The following KCNA4 variants were observed in gnomAD, a reference collection of about 807,000 sequenced individuals.
KCNA4 encodes the protein cardiac potassium channel.
A neutral mutation model predicts 37.2 loss-of-function variants in KCNA4; 5 were observed. The observed-to-expected ratio is 0.13, with a 90% CI of 0.07 to 0.28. KCNA4 has a LOEUF of 0.28. Ranked by LOEUF, KCNA4 falls within the 10% of genes least tolerant of loss-of-function variation. The pLI, the probability that KCNA4 is intolerant of heterozygous loss-of-function variation, is 1.00. For missense variants in KCNA4, 634 were observed against 817.4 expected, an observed-to-expected ratio of 0.78 and a Z score of 2.74; for synonymous variants, 350 against 311.8, an observed-to-expected ratio of 1.12 and a Z score of -1.29.
rs551419639 is a variant in KCNA4 at position 30,013,442 on chromosome 11, T to C, written c.-764A>G. The C allele has an allele frequency of 1.2e-5, 2 of 166,688 alleles. No individual in the cohort carries two copies. The highest frequency in any genetic ancestry group is 2.4e-5 in the African/African-American group (1 of 41,566). 10.3% of individuals were successfully genotyped at this position (166,688 alleles called of 1,614,324 possible). The stretch of plus-strand genomic sequence containing the variant: ...GCAGAGCATTCTTCAGCCAAAATCA[T>C]GCAGAAGAAGCACTTCACCTGAAAA... On this transcript the variant is annotated 5_prime_UTR_variant, in exon 2 of 2. It removes an upstream start codon present in the reference 5' UTR. Transcript: ENST00000328224.
At chr11:30,015,276 C>A (rs1399591783) in intron 1 of KCNA4, among the ~76,000 whole-genome samples, 2 of 152,110 alleles carry the variant, frequency 1.3e-5, no homozygotes, top group Non-Finnish European at 2.9e-5. Context: ...AGTGTCAGGC[C>A]AACATCCTTT....
chr11:30,016,534 C>CAAAAAAA (rs139673634), intron 1 of KCNA4, 38 bp downstream of exon 1: 9 of 62,322 alleles, frequency 1.4e-4, no homozygotes, highest in African/African-American at 2.0e-4. Context: ...AGGAAAGATA[C>CAAAAAAA]AAAAAAAAAA....
chr11:30,011,451 C>A lies in KCNA4; in HGVS notation c.1228G>T (p.Val410Phe). 3.1e-6 allele frequency: 5 copies of A among 1,614,136 alleles called. No individual in the cohort carries two copies. The highest frequency in any genetic ancestry group is 4.2e-6 in the Non-Finnish European group (5 of 1,180,014). Residue 410 changes from valine (V) to phenylalanine (F), a missense_variant, in exon 2 of 2, where the codon GTC (valine) becomes TTC (phenylalanine). Coordinates refer to ENST00000328224, the MANE Select transcript of KCNA4 (RefSeq NM_002233.4). The surrounding 1 kb of genome is among the most constrained non-coding windows in gnomAD (Gnocchi z 5.6). ...GTGATGAAGTAAGGCAAAATGGAGA[C>A]AATGTCAATGATGTTCATGATGTTT... ...FKNIMNIIDI[V>F]SILPYFITLG...
At chr11:30,014,721 C>T (rs1284419008) in intron 1 of KCNA4, among the ~76,000 whole-genome samples, 2 of 152,094 alleles carry the variant, frequency 1.3e-5, no homozygotes. Context: ...GGTAATTCAT[C>T]TCCTCAGCCA....
At position 30,011,794 on chromosome 11, in the gene KCNA4, G is replaced by A. The variant is rs1382499026; in HGVS notation, c.885C>T (p.Leu295=). The A allele has an allele frequency of 4.3e-6, 7 of 1,614,018 alleles. No homozygotes were observed. The highest frequency in any genetic ancestry group is 2.2e-5 in the East Asian group (1 of 44,852). Reference sequence around the variant, plus strand: ...TGGAGCTCTCTGGATATTCAAAGAGGAGCCAAATCTGCTTTTTAAATTCAT... The same window carrying A: ...TGGAGCTCTCTGGATATTCAAAGAGAAGCCAAATCTGCTTTTTAAATTCAT... The part of the protein sequence containing the change: ...PENEFKKQIW[L]LFEYPESSSP... The change falls in exon 2 of 2, where the codon CTC becomes CTT. Residue 295 remains leucine (L), a synonymous_variant. Coordinates refer to ENST00000328224, the MANE Select transcript of KCNA4 (RefSeq NM_002233.4). The surrounding 1 kb of genome is among the most constrained non-coding windows in gnomAD (Gnocchi z 5.6).
In KCNA4 at chr11:30,016,558, G is replaced by C. The variant is rs927739771; in HGVS notation, c.-783+14C>G. 2.3e-5 allele frequency: 3 copies of C among 129,214 alleles called. No homozygotes were observed. The highest frequency in any genetic ancestry group is 4.7e-5 in the Non-Finnish European group (3 of 63,340). The allele number at this position is 129,214 out of a possible 1,614,324, so 8.0% of individuals were successfully genotyped here. A position where few individuals can be genotyped will look rare whatever the true frequency, so the allele number is the denominator to read the frequency against. On this transcript the variant is annotated intron_variant, in intron 1 of 1. Transcript: ENST00000328224. ...ACAAAAAAAAAAAAAAAAAAAAAAA[G>C]GTATCATACTTACCGTTCCCCGGCG...
At chr11:30,015,349 A>T (rs773385778) in intron 1 of KCNA4, among the ~76,000 whole-genome samples, 26 of 152,190 alleles carry the variant, frequency 1.7e-4, no homozygotes, top group Non-Finnish European at 3.1e-4. Flanking sequence ...CTCCCCTAAA[A>T]CAATTATAAT....
At position 30,010,451 on chromosome 11, in the gene KCNA4, C is replaced by G. The variant is rs984967754; in HGVS notation, c.*266G>C. 5 of 486,290 alleles carry G rather than the reference C, an allele frequency of 1.0e-5. No individual in the cohort carries two copies. Among genetic ancestry groups the G allele is most frequent in the African/African-American group, 9.9e-5 (5 of 50,740 alleles). The allele number at this position is 486,290 out of a possible 1,614,324, so 30.1% of individuals were successfully genotyped here. A position where few individuals can be genotyped will look rare whatever the true frequency, so the allele number is the denominator to read the frequency against. On this transcript the variant is annotated 3_prime_UTR_variant, in exon 2 of 2. Transcript: ENST00000328224. ...TCTCTCTCTCCATCTTTACTGTTAA[C>G]ATCTTTTCCAGTTAATGTGCAAAAT...
chr11:30,016,176 G>C (rs543228921), intron 1 of KCNA4, among the ~76,000 whole-genome samples: 7 of 152,160 alleles, frequency 4.6e-5, no homozygotes, highest in Non-Finnish European at 4.4e-5. Context: ...ATTCAGACCC[G>C]TTCACCGGCT....
chr11:30,016,962 A>T lies in KCNA4; in HGVS notation c.-1173T>A. ...GTTAAGCCCGAATTCCTCCTCCAAC[A>T]TCCATCCCTCTCTCGCTCTCGCTGG... On this transcript the variant is annotated 5_prime_UTR_variant, in exon 1 of 2. An upstream start codon of the reference 5' UTR is lost. Coordinates refer to ENST00000328224, the MANE Select transcript of KCNA4 (RefSeq NM_002233.4). 1 of 398,732 alleles carries T rather than the reference A, an allele frequency of 2.5e-6. No individual in the cohort carries two copies. The highest frequency in any genetic ancestry group is 3.6e-5 in the East Asian group (1 of 28,040). 24.7% of individuals were successfully genotyped at this position (398,732 alleles called of 1,614,324 possible).
rs1261017369 is a variant in KCNA4 at position 30,010,586 on chromosome 11, T to C, written c.*131A>G. On this transcript the variant is annotated 3_prime_UTR_variant, in exon 2 of 2. Transcript: ENST00000328224. ...TACAAGTTTAGTAACAATTATGCCA[T>C]GTATAACCATTAAATAGTGTACTAC... 23 of 1,318,330 alleles carry C rather than the reference T, an allele frequency of 1.7e-5. No individual in the cohort carries two copies. Among genetic ancestry groups the C allele is most frequent in the Non-Finnish European group, 2.1e-5 (21 of 993,446 alleles). The allele number at this position is 1,318,330 out of a possible 1,614,324, so 81.7% of individuals were successfully genotyped here.
chr11:30,015,261 A>T (rs1850340654), intron 1 of KCNA4, among the ~76,000 whole-genome samples: 2 of 152,182 alleles, frequency 1.3e-5, no homozygotes, highest in Non-Finnish European at 2.9e-5. Flanking sequence ...TGACATTCGC[A>T]GTGGAGTGTC....
chr11:30,016,029 G>T (rs954548722), intron 1 of KCNA4, among the ~76,000 whole-genome samples: 2 of 152,046 alleles, frequency 1.3e-5, no homozygotes, highest in Non-Finnish European at 2.9e-5. Flanking sequence ...GAAAGAGAGA[G>T]AAACTGAGAG....
Position 30,012,582 on chromosome 11 carries a change from G to T in KCNA4, c.97C>A (p.Leu33Ile). Residue 33 changes from leucine (L) to isoleucine (I), a missense_variant, in exon 2 of 2, where the codon CTT (leucine) becomes ATT (isoleucine). By Grantham distance (5) the Leu-to-Ile change is conservative. Around this residue, in one of 8 missense-constraint regions of KCNA4, gnomAD observed 236 missense variants for 229.5 expected, o/e 1.03. Coordinates refer to ENST00000328224, the MANE Select transcript of KCNA4 (RefSeq NM_002233.4). ...GCTGCAGCTGCCCTGGAGTGAGCAAGCCTCTCCCGCTCCCGGGCCCGGGCC... is the reference window on the plus strand; with the variant it reads ...GCTGCAGCTGCCCTGGAGTGAGCAATCCTCTCCCGCTCCCGGGCCCGGGCC... ...AQARARERER[L>I]AHSRAAAAAA... 1 of 1,607,664 alleles carries T rather than the reference G, an allele frequency of 6.2e-7. No homozygotes were observed.
Position 30,012,042 on chromosome 11 carries a change from C to G in KCNA4, c.637G>C (p.Asp213His). The G allele has an allele frequency of 6.2e-7, 1 of 1,614,122 alleles. No homozygotes were observed. The highest frequency in any genetic ancestry group is 8.5e-7 in the Non-Finnish European group (1 of 1,180,028). The change falls in exon 2 of 2, where the codon GAC becomes CAC. Residue 213 changes from aspartate to histidine, a missense_variant. Around this residue, in one of 8 missense-constraint regions of KCNA4, gnomAD observed 252 missense variants for 344.2 expected, o/e 0.73. Coordinates refer to ENST00000328224, the MANE Select transcript of KCNA4 (RefSeq NM_002233.4). ...AAAAAATACTCATTGCGCAAAGGGTCAAAGTACTGAGTCCTCTTTTCAGGG... is the reference window on the plus strand; with the variant it reads ...AAAAAATACTCATTGCGCAAAGGGTGAAAGTACTGAGTCCTCTTTTCAGGG... ...GDPEKRTQYF[D>H]PLRNEYFFDR...
rs755456987 is a variant in KCNA4, at chr11:30,012,386, C to G, written c.293G>C (p.Arg98Pro). ...AGAGCAATGAGGGAAGCTGCTCTGC[C>G]GGTAGTGGGCTTTCTTCTTCTCAGA... ...QRSEKKKAHY[R>P]QSSFPHCSDL... The change falls in exon 2 of 2, where the codon CGG (arginine) becomes CCG (proline). Residue 98 changes from arginine (R) to proline (P), a missense_variant. Coordinates refer to ENST00000328224, the MANE Select transcript of KCNA4 (RefSeq NM_002233.4). The G allele has an allele frequency of 1.2e-6, 2 of 1,613,966 alleles. No homozygotes were observed. The highest frequency in any genetic ancestry group is 2.7e-5 in the African/African-American group (2 of 74,912).
In KCNA4 at chr11:30,012,590, C is replaced by T. The variant is rs750544378; in HGVS notation, c.89G>A (p.Arg30Gln). 3 of 1,607,732 alleles carry T rather than the reference C, an allele frequency of 1.9e-6. No homozygotes were observed. The highest frequency in any genetic ancestry group is 2.5e-6 in the Non-Finnish European group (3 of 1,179,662). Residue 30 changes from arginine to glutamine, a missense_variant, in exon 2 of 2, where the codon CGG becomes CAG. Physicochemically the swap from Arg to Gln is conservative, Grantham distance 43. Around this residue, in one of 8 missense-constraint regions of KCNA4, gnomAD observed 236 missense variants for 229.5 expected, o/e 1.03. Transcript: ENST00000328224. ...GYAAQARARERERLAHSRAAA... is the reference protein window; with the variant it reads ...GYAAQARAREQERLAHSRAAA... ...TGCCCTGGAGTGAGCAAGCCTCTCC[C>T]GCTCCCGGGCCCGGGCCTGGGCAGC...
intron 1 of KCNA4, 161 bp downstream of exon 1, chr11:30,016,411 C>G (rs867648099): frequency 1.3e-5 from 2 of 152,034 alleles, no homozygotes; most frequent in African/African-American, 4.8e-5. Context: ...CTCCCTTCTC[C>G]CACCTCCTGG....
chr11:30,016,304 C>G (rs1259086840), intron 1 of KCNA4: 2 of 152,002 alleles, frequency 1.3e-5, no homozygotes, highest in Non-Finnish European at 2.9e-5. Flanking sequence ...GACCTCGGTT[C>G]CCGCTCCAGC....
Sources: gnomAD v4.1 joint callset for allele counts (sites outside exome capture counted in the v4.1 genomes callset) on GRCh38, gnomAD v4.1.1 for gene constraint, gnomAD v4.1.1 regional missense constraint, Gnocchi (gnomAD v3.1) non-coding constraint, MANE v1.5 for transcripts, NCBI Gene and HGNC (gene_info 2026-07-23, HGNC 2026-07-21) for gene names.